The following ZHX2 variants were observed in gnomAD, a reference collection of about 807,000 sequenced individuals.
The protein encoded by ZHX2 is zinc fingers and homeoboxes protein 2.
ZHX2 carries 6 observed loss-of-function variants against 21.9 expected under a neutral mutation model. The ratio of observed to expected loss-of-function variants is 0.27; its 90% CI spans 0.15 to 0.54. ZHX2 has a LOEUF of 0.54. Ranked by LOEUF, ZHX2 falls within the 20% of genes least tolerant of loss-of-function variation. The pLI is 0.95. For missense variants in ZHX2, 908 were observed against 1,090.7 expected (o/e 0.83, Z 2.36); for synonymous variants, 434 against 437.1 (o/e 0.99, Z 0.09).
At chr8:122,911,401 A>G (rs1820477721) in intron 2 of ZHX2, among the ~76,000 whole-genome samples, 1 of 151,974 alleles carries the variant, frequency 6.6e-6, no homozygotes, top group African/African-American at 2.4e-5. Context: ...CCCATCATCA[A>G]GTGTGCCTGC....
At chr8:122,899,180 A>T (rs1486849133) in intron 2 of ZHX2, among the ~76,000 whole-genome samples, 1 of 152,100 alleles carries the variant, frequency 6.6e-6, no homozygotes, top group Admixed American at 6.5e-5. Flanking sequence ...GAGGGCTGGA[A>T]TGCATTTTCT....
intron 2 of ZHX2, among the ~76,000 whole-genome samples, chr8:122,942,598 C>T (rs991603856): frequency 2.0e-5 from 3 of 152,270 alleles, no homozygotes; most frequent in Admixed American, 6.5e-5. Flanking sequence ...TCTGAACCCC[C>T]GAGGGCTTGA....
At position 122,851,748 on chromosome 8, in the gene ZHX2, G is replaced by A. The variant is rs151040403; in HGVS notation, c.-282-11729G>A. Among the ~76,000 whole-genome samples the A allele has an allele frequency of 3.4e-3, 514 of 152,280 alleles. 3 individuals are homozygous for A. The highest frequency in any genetic ancestry group is 0.012 in the African/African-American group (499 of 41,558). ...AGTACTGTAATATCCTTATTTGCCC[G>A]GGGCTTGGGGGCTCAGAAAGAGTAA... On this transcript the variant is annotated intron_variant, in intron 1 of 3. Transcript: ENST00000314393.
At chr8:122,813,804 A>C (rs943416861) in intron 1 of ZHX2, among the ~76,000 whole-genome samples, 2 of 152,194 alleles carry the variant, frequency 1.3e-5, no homozygotes, top group African/African-American at 4.8e-5. Context: ...AAGCATTTTG[A>C]ATGTCAGATT....
intron 2 of ZHX2, among the ~76,000 whole-genome samples, chr8:122,910,935 C>T (rs750108377): frequency 1.3e-5 from 2 of 152,184 alleles, no homozygotes; most frequent in Non-Finnish European, 2.9e-5. Context: ...GCATGGGGCC[C>T]CTTCCAGAAC....
At chr8:122,834,965 G>A (rs755780449) in intron 1 of ZHX2, among the ~76,000 whole-genome samples, 8 of 152,154 alleles carry the variant, frequency 5.3e-5, no homozygotes, top group Admixed American at 3.3e-4. Flanking sequence ...GACTGCCTCC[G>A]CACCAGTAGG....
intron 1 of ZHX2, among the ~76,000 whole-genome samples, chr8:122,786,245 T>G (rs9297664): frequency 0.89 from 135,348 of 152,126 alleles, 60,341 homozygotes; most frequent in Middle Eastern, 0.97. Context: ...GACCTTTGGG[T>G]CTCCTGGGCC....
intron 1 of ZHX2, among the ~76,000 whole-genome samples, chr8:122,846,291 CAA>C (rs1818748696): frequency 6.6e-6 from 1 of 152,308 alleles, no homozygotes; most frequent in Admixed American, 6.5e-5. Flanking sequence ...CGCACTTTTG[CAA>C]AGAGTCAGGT....
chr8:122,861,555 T>A (rs1026192040), intron 1 of ZHX2, among the ~76,000 whole-genome samples: 1 of 152,022 alleles, frequency 6.6e-6, no homozygotes, highest in African/African-American at 2.4e-5. Context: ...ACAAGCAGAG[T>A]GTGGAGCAAG....
Position 122,828,242 on chromosome 8 carries a change from G to A in ZHX2, c.-282-35235G>A, listed in dbSNP as rs1375914608. Among the ~76,000 whole-genome samples the A allele has an allele frequency of 1.3e-5, 2 of 152,248 alleles. No individual in the cohort carries two copies. Among genetic ancestry groups the A allele is most frequent in the Non-Finnish European group, 2.9e-5 (2 of 68,042 alleles). ...AAGCACCCCTGTGGAGTGGACAGAA[G>A]CACAGACCTAGGGCTTAGGAGAGGA... On this transcript the variant is annotated intron_variant, in intron 1 of 3. Transcript: ENST00000314393. The surrounding 1 kb of genome is among the most constrained non-coding windows in gnomAD (Gnocchi z 5.2).
At chr8:122,841,867 AGT>A (rs1818637502) in intron 1 of ZHX2, among the ~76,000 whole-genome samples, 1 of 152,210 alleles carries the variant, frequency 6.6e-6, no homozygotes, top group Non-Finnish European at 1.5e-5. Flanking sequence ...ATGGTAACTC[AGT>A]GGCTTAGCTA....
At chr8:122,924,756 G>A (rs57264684) in intron 2 of ZHX2, among the ~76,000 whole-genome samples, 3,396 of 152,228 alleles carry the variant, frequency 0.022, 119 homozygotes, top group African/African-American at 0.078. Context: ...TTGGCCCATC[G>A]GTGAATATCT....
chr8:122,783,576 C>G (rs1235875961), intron 1 of ZHX2, among the ~76,000 whole-genome samples: 1 of 152,170 alleles, frequency 6.6e-6, no homozygotes, highest in Non-Finnish European at 1.5e-5. Flanking sequence ...GTTCTGAGAG[C>G]TCTTCAAGAT....
In ZHX2 at chr8:122,952,604, C is replaced by G; in HGVS notation, c.1094C>G (p.Ala365Gly). 6.2e-7 allele frequency: 1 copy of G among 1,614,188 alleles called. No individual in the cohort carries two copies. Among genetic ancestry groups the G allele is most frequent in the Non-Finnish European group, 8.5e-7 (1 of 1,180,044 alleles). Residue 365 changes from alanine (A) to glycine (G), a missense_variant, in exon 3 of 4, where the codon GCT becomes GGT. Around this residue, in one of 4 missense-constraint regions of ZHX2, gnomAD observed 232 missense variants for 361.8 expected, o/e 0.64. Transcript: ENST00000314393. This position sits in a 1 kb window ranked among gnomAD's most constrained non-coding sequence, Gnocchi z 6.9. ...TKVTQPILQT[A>G]LPCQILGQTS... is the part of the protein sequence containing the mutation. ...GTGACGCAGCCCATCCTCCAGACGG[C>G]TCTACCGTGCCAGATCCTCGGCCAG...
In ZHX2 at chr8:122,953,713, A is replaced by G. The variant is rs372010119; in HGVS notation, c.2203A>G (p.Lys735Glu). ...DVVPQYYKDP[K>E]KLCEEDLEKL... ...GGTTCCACAATATTACAAGGACCCCAAAAAGCTCTGCGAAGAGGACTTGGA... is the reference window on the plus strand; with the variant it reads ...GGTTCCACAATATTACAAGGACCCCGAAAAGCTCTGCGAAGAGGACTTGGA... Residue 735 changes from lysine to glutamate, a missense_variant, in exon 3 of 4, where the codon AAA (lysine) becomes GAA (glutamate). Physicochemically the swap from Lys to Glu is moderately conservative, Grantham distance 56. Around this residue, in one of 4 missense-constraint regions of ZHX2, gnomAD observed 431 missense variants for 428.6 expected, o/e 1.01. Coordinates refer to ENST00000314393, the MANE Select transcript of ZHX2 (RefSeq NM_014943.5). The surrounding 1 kb of genome is among the most constrained non-coding windows in gnomAD (Gnocchi z 4.6). 3 of 1,614,136 alleles carry G rather than the reference A, an allele frequency of 1.9e-6. No homozygotes were observed. The African/African-American group carries it at 4.0e-5, about 22-fold the overall frequency.
chr8:122,958,838 C>A (rs1446685964), intron 3 of ZHX2, among the ~76,000 whole-genome samples: 3 of 152,178 alleles, frequency 2.0e-5, no homozygotes, highest in African/African-American at 7.2e-5. Flanking sequence ...TTTAGAGAGC[C>A]CTCTTTGTGC....
chr8:122,814,679 A>C (rs907432821), intron 1 of ZHX2, among the ~76,000 whole-genome samples: 2 of 152,230 alleles, frequency 1.3e-5, no homozygotes, highest in African/African-American at 2.4e-5. Context: ...GTTCTTCTCT[A>C]GCTCATGAAA....
At chr8:122,850,027 A>C (rs1297701774) in intron 1 of ZHX2, among the ~76,000 whole-genome samples, 1 of 151,994 alleles carries the variant, frequency 6.6e-6, no homozygotes, top group African/African-American at 2.4e-5. Context: ...TTAACTCTTG[A>C]CTCTTTCCCA....
intron 1 of ZHX2, among the ~76,000 whole-genome samples, chr8:122,798,077 C>T (rs942605062): frequency 3.9e-5 from 6 of 152,166 alleles, no homozygotes; most frequent in Non-Finnish European, 7.4e-5. Flanking sequence ...AGCAACGCAG[C>T]GAGGAAGGGG....
Sources: allele counts gnomAD v4.1 joint callset (sites outside exome capture counted in the v4.1 genomes callset), GRCh38; gene constraint gnomAD v4.1.1; regional missense constraint gnomAD v4.1.1; non-coding constraint Gnocchi (gnomAD v3.1); transcripts MANE v1.5; gene names NCBI Gene and HGNC (gene_info 2026-07-23, HGNC 2026-07-21).